SEC23IP: variants seen among roughly 807,000 people sequenced by gnomAD.
The protein encoded by SEC23IP is SEC23 interacting protein.
Under a neutral mutation model 113.4 loss-of-function variants are expected in SEC23IP, and 70 were observed. The observed-to-expected ratio is 0.62, with a 90% confidence interval of 0.51 to 0.75. The LOEUF is 0.75. Ranked by LOEUF, SEC23IP falls within the 30% of genes least tolerant of loss-of-function variation. SEC23IP has a pLI of 0.00. For synonymous variants in SEC23IP, 398 were observed against 421.0 expected (o/e 0.95, Z 0.67); for missense variants, 1,160 against 1,204.9 (o/e 0.96, Z 0.55).
chr10:119,902,905 C>T lies in SEC23IP; in HGVS notation c.803C>T (p.Pro268Leu), dbSNP rs749851170. Residue 268 changes from proline (P) to leucine (L), a missense_variant, in exon 3 of 19, where the codon CCT becomes CTT. Coordinates refer to ENST00000369075, the MANE Select transcript of SEC23IP (RefSeq NM_007190.4). ...SPFLLQNQYE[P>L]VQPHWFYCKE... ...TTTCTACTTCAAAACCAATATGAGC[C>T]TGTTCAGCCCCACTGGTTTTACTGC... 6.2e-7 allele frequency: 1 copy of T among 1,614,168 alleles called. No individual in the cohort carries two copies. Among genetic ancestry groups the T allele is most frequent in the Non-Finnish European group, 8.5e-7 (1 of 1,180,008 alleles).
At chr10:119,915,232 A>T (rs1239902890) in intron 7 of SEC23IP, among the ~76,000 whole-genome samples, 3 of 152,186 alleles carry the variant, frequency 2.0e-5, no homozygotes, top group African/African-American at 7.2e-5. Context: ...TATTTATTGA[A>T]TATTTGGTAT....
intron 4 of SEC23IP, among the ~76,000 whole-genome samples, chr10:119,908,759 CTGTT>C (rs1180295926): frequency 3.3e-5 from 5 of 152,130 alleles, no homozygotes; most frequent in East Asian, 1.9e-4. Flanking sequence ...CTAAGTCACT[CTGTT>C]TGTGATACTT....
rs1854575877 is a variant in SEC23IP at position 119,903,935 on chromosome 10, G to A, written c.908-149G>A. ...GGAGGTTTCACCATTGGCCAGGCTG[G>A]TCTCAAACTCCTGACCGCAAGTGAT... On this transcript the variant is annotated intron_variant, in intron 3 of 18. Transcript: ENST00000369075. The A allele has an allele frequency of 8.4e-6, 6 of 718,498 alleles. No homozygotes were observed. In the South Asian group the frequency reaches 1.1e-4, roughly 14 times the overall value. The allele number at this position is 718,498 out of a possible 1,614,324, so 44.5% of individuals were successfully genotyped here. A position where few individuals can be genotyped will look rare whatever the true frequency, so the allele number is the denominator to read the frequency against.
chr10:119,907,775 A>T (rs991286342), intron 4 of SEC23IP, among the ~76,000 whole-genome samples: 21 of 152,152 alleles, frequency 1.4e-4, no homozygotes, highest in African/African-American at 4.8e-4. Flanking sequence ...ATATGGTGAT[A>T]CCTTGTCTCT....
chr10:119,902,394 T>C (rs1279367262), intron 2 of SEC23IP, among the ~76,000 whole-genome samples: 5 of 152,176 alleles, frequency 3.3e-5, no homozygotes, highest in Non-Finnish European at 1.5e-5. Flanking sequence ...TATTGCTAGA[T>C]TGATTTCTGT....
intron 12 of SEC23IP, among the ~76,000 whole-genome samples, chr10:119,925,171 C>T (rs1194429426): frequency 6.6e-6 from 1 of 152,106 alleles, no homozygotes; most frequent in Non-Finnish European, 1.5e-5. Context: ...TTTCTGAGTT[C>T]ATTTCTATGT....
chr10:119,897,259 TAA>T (rs1854310123), intron 1 of SEC23IP, among the ~76,000 whole-genome samples: 1 of 152,202 alleles, frequency 6.6e-6, no homozygotes, highest in Non-Finnish European at 1.5e-5. Flanking sequence ...CTAGGGAACA[TAA>T]AAGTTTCGTA....
intron 18 of SEC23IP, among the ~76,000 whole-genome samples, chr10:119,935,556 T>C (rs1305312140): frequency 6.6e-6 from 1 of 152,176 alleles, no homozygotes; most frequent in Non-Finnish European, 1.5e-5. Flanking sequence ...CATTCATCCA[T>C]CTGTCCGCCC....
intron 6 of SEC23IP, among the ~76,000 whole-genome samples, chr10:119,912,470 A>AT (rs1854895209): frequency 6.6e-6 from 1 of 151,798 alleles, no homozygotes; most frequent in African/African-American, 2.4e-5. Context: ...TTGTATCTTT[A>AT]TTTTTTAATT....
intron 18 of SEC23IP, among the ~76,000 whole-genome samples, chr10:119,940,125 A>C (rs1214823185): frequency 3.3e-5 from 5 of 151,584 alleles, no homozygotes; most frequent in Admixed American, 3.3e-4. Context: ...ACTTGCTTAC[A>C]GGCTGTGCTC....
rs144461100 is a variant in SEC23IP, at chr10:119,939,133, A to G, written c.*21-1453A>G. Reference sequence around the variant, plus strand: ...AGACCAGCTTAGCAACATAGACAAGACATTACTTGTCTCTACTAAAAGTAA... The same window carrying G: ...AGACCAGCTTAGCAACATAGACAAGGCATTACTTGTCTCTACTAAAAGTAA... On this transcript the variant is annotated intron_variant, in intron 18 of 18. Transcript: ENST00000369075. Among the ~76,000 whole-genome samples the G allele has an allele frequency of 3.0e-3, 459 of 151,724 alleles. 2 individuals are homozygous for G. The highest frequency in any genetic ancestry group is 0.011 in the African/African-American group (441 of 41,362).
chr10:119,914,550 T>C (rs1223294778), intron 6 of SEC23IP, 180 bp from the exon 7 acceptor site: 3 of 564,854 alleles, frequency 5.3e-6, no homozygotes, highest in Non-Finnish European at 6.4e-6. Flanking sequence ...CGCTTTTATA[T>C]GCCAAGAGGG....
chr10:119,913,876 G>T (rs1056933796), intron 6 of SEC23IP, among the ~76,000 whole-genome samples: 17 of 151,920 alleles, frequency 1.1e-4, no homozygotes, highest in Non-Finnish European at 2.2e-4. Flanking sequence ...AGGTGGCTGG[G>T]CCTGGTGGCT....
intron 3 of SEC23IP, among the ~76,000 whole-genome samples, chr10:119,903,831 A>G (rs1463656206): frequency 1.3e-5 from 2 of 152,202 alleles, no homozygotes; most frequent in East Asian, 3.9e-4. Flanking sequence ...TCAAACTACT[A>G]TGCCTCAGCC....
intron 6 of SEC23IP, among the ~76,000 whole-genome samples, chr10:119,914,142 A>G (rs1287917971): frequency 6.6e-6 from 1 of 151,272 alleles, no homozygotes; most frequent in Non-Finnish European, 1.5e-5. Context: ...CCCGGGCGAC[A>G]AGAGTGAAAC....
intron 14 of SEC23IP, 118 bp downstream of exon 14, chr10:119,929,880 C>T (rs528119332): frequency 1.6e-6 from 1 of 639,136 alleles, no homozygotes; most frequent in East Asian, 2.8e-5. Flanking sequence ...AACTCCTGGC[C>T]TCAAGTGATC....
Position 119,926,222 on chromosome 10 carries a change from G to A in SEC23IP, c.2308G>A (p.Gly770Arg), listed in dbSNP as rs760151239. Reference protein sequence around the residue: ...VNYESFEVGAGQVSVAYNSLD... With the variant: ...VNYESFEVGARQVSVAYNSLD... ...TTATGAATCTTTTGAAGTTGGCGCCGGACAGGTGAGTTTACATATTGACTG... is the reference window on the plus strand; with the variant it reads ...TTATGAATCTTTTGAAGTTGGCGCCAGACAGGTGAGTTTACATATTGACTG... The change falls in exon 13 of 19, where the codon GGA becomes AGA. Residue 770 changes from glycine to arginine, a missense_variant. Gly to Arg is a moderately radical substitution (Grantham distance 125, BLOSUM62 -2). Coordinates refer to ENST00000369075, the MANE Select transcript of SEC23IP (RefSeq NM_007190.4). The A allele has an allele frequency of 1.4e-5, 22 of 1,613,708 alleles. No homozygotes were observed. The highest frequency in any genetic ancestry group is 5.3e-5 in the African/African-American group (4 of 74,900).
intron 1 of SEC23IP, among the ~76,000 whole-genome samples, chr10:119,896,793 T>A (rs1854298384): frequency 6.6e-6 from 1 of 152,064 alleles, no homozygotes; most frequent in Non-Finnish European, 1.5e-5. Context: ...TTTTTTTCAT[T>A]CTTTTAATTG....
chr10:119,901,749 C>T (rs12261721), intron 2 of SEC23IP, among the ~76,000 whole-genome samples: 27,011 of 152,002 alleles, frequency 0.18, 2,597 homozygotes, highest in Non-Finnish European at 0.22. Flanking sequence ...TGCAGTGGTG[C>T]AGTCTCAGCT....
Sources: gnomAD v4.1 joint callset for allele counts (sites outside exome capture counted in the v4.1 genomes callset) on GRCh38, gnomAD v4.1.1 for gene constraint, MANE v1.5 for transcripts, NCBI Gene and HGNC (gene_info 2026-07-23, HGNC 2026-07-21) for gene names.